NPHP4: variants seen among roughly 807,000 people sequenced by gnomAD.
NPHP4 encodes nephrocystin 4, also known as nephrocystin-4.
A neutral mutation model predicts 155.8 loss-of-function variants in NPHP4; 151 were observed. That is an observed-to-expected ratio of 0.97 (90% CI 0.85 to 1.11). NPHP4 has a LOEUF of 1.11. NPHP4 is among the 50% of genes least tolerant of loss of function. NPHP4 has a pLI of 0.00. For synonymous variants in NPHP4, 845 were observed against 816.8 expected (o/e 1.03, Z -0.59); for missense variants, 1,956 against 1,925.7 (o/e 1.02, Z -0.29).
At chr1:5,871,871 T>C (rs1176840890) in intron 23 of NPHP4, among the ~76,000 whole-genome samples, 3 of 152,206 alleles carry the variant, frequency 2.0e-5, no homozygotes, top group Admixed American at 1.3e-4. Context: ...AACAACAGCA[T>C]GCAGTCATGA....
At chr1:5,920,117 A>T (rs571952767) in intron 11 of NPHP4, among the ~76,000 whole-genome samples, 1 of 152,230 alleles carries the variant, frequency 6.6e-6, no homozygotes, top group Non-Finnish European at 1.5e-5. Flanking sequence ...TTTTTAGTAG[A>T]GATAGGGTTT....
At chr1:5,869,350 ACACACACACATGCATG>A (rs1279135335) in intron 23 of NPHP4, among the ~76,000 whole-genome samples, 3 of 149,536 alleles carry the variant, frequency 2.0e-5, no homozygotes, top group Admixed American at 6.6e-5. Flanking sequence ...ACATGCACGC[ACACACACACATGCATG>A]CACACACACA....
chr1:5,891,483 C>A lies in NPHP4; in HGVS notation c.2144-455G>T, dbSNP rs115260645. ...GGACACCCAGCAGCCCCTCTCCTGG[C>A]CCTAAAGCAGGACGGCACCTGCCCC... On this transcript the variant is annotated intron_variant, in intron 16 of 29. Coordinates refer to ENST00000378156, the MANE Select transcript of NPHP4 (RefSeq NM_015102.5). 8.3e-3 allele frequency among the ~76,000 whole-genome samples: 1,260 copies of A among 152,334 alleles called. 12 individuals are homozygous for A. Among genetic ancestry groups the A allele is most frequent in the African/African-American group, 0.029 (1,191 of 41,582 alleles).
chr1:5,906,686 GC>G (rs1644928223), intron 13 of NPHP4, among the ~76,000 whole-genome samples: 1 of 152,254 alleles, frequency 6.6e-6, no homozygotes, highest in Non-Finnish European at 1.5e-5. Context: ...GCCAGTCTTA[GC>G]CAGGAGCACA....
At chr1:5,976,374 C>T (rs1653578564) in intron 3 of NPHP4, among the ~76,000 whole-genome samples, 1 of 152,188 alleles carries the variant, frequency 6.6e-6, no homozygotes, top group Non-Finnish European at 1.5e-5. Context: ...TGGCTAACTT[C>T]ACCACCCGCC....
chr1:5,914,925 C>A (rs1334810821), intron 11 of NPHP4, among the ~76,000 whole-genome samples: 1 of 152,220 alleles, frequency 6.6e-6, no homozygotes, highest in Non-Finnish European at 1.5e-5. Flanking sequence ...GACCTCCCCC[C>A]CGCACCCTGA....
chr1:5,988,909 G>A (rs1480420355), intron 1 of NPHP4, among the ~76,000 whole-genome samples: 1 of 152,138 alleles, frequency 6.6e-6, no homozygotes, highest in East Asian at 1.9e-4. Flanking sequence ...AGGTATTCCT[G>A]AGGACCAGAC....
At chr1:5,894,689 A>G (rs1045546209) in intron 16 of NPHP4, among the ~76,000 whole-genome samples, 4 of 152,198 alleles carry the variant, frequency 2.6e-5, no homozygotes, top group African/African-American at 9.6e-5. Context: ...AGCAGCTCAA[A>G]AAAAAAATAG....
At chr1:5,913,495 T>C (rs1170314518) in intron 11 of NPHP4, among the ~76,000 whole-genome samples, 1 of 152,230 alleles carries the variant, frequency 6.6e-6, no homozygotes, top group African/African-American at 2.4e-5. Flanking sequence ...CTCAAATGTC[T>C]ACTTTTCTGT....
chr1:5,991,785 AGGAGGGGC>A (rs983016800), intron 1 of NPHP4, among the ~76,000 whole-genome samples: 1 of 138,772 alleles, frequency 7.2e-6, no homozygotes, highest in Non-Finnish European at 1.6e-5. Flanking sequence ...GGGGGCGGGG[AGGAGGGGC>A]GGAGGGGCGC....
At chr1:5,900,489 T>C (rs1187379290) in intron 16 of NPHP4, among the ~76,000 whole-genome samples, 3 of 152,016 alleles carry the variant, frequency 2.0e-5, no homozygotes, top group Non-Finnish European at 4.4e-5. Flanking sequence ...TCCAGCTGTA[T>C]GACATTCTGG....
chr1:5,909,166 G>C lies in NPHP4; in HGVS notation c.1489C>G (p.Pro497Ala). 1.2e-6 allele frequency: 2 copies of C among 1,601,300 alleles called. No homozygotes were observed. Among genetic ancestry groups the C allele is most frequent in the Non-Finnish European group, 1.7e-6 (2 of 1,174,142 alleles). ...PRVLAAPQNS[P>A]VGPGLSISQL... ...CCTGGACTTACCCCTGGTCCCACAG[G>C]TGAGTTCTGCGGGGCAGCGAGAACT... is the stretch of plus-strand genomic sequence containing the variant. Residue 497 changes from proline to alanine, a missense_variant, in exon 12 of 30, where the codon CCT (proline) becomes GCT (alanine). Coordinates refer to ENST00000378156, the MANE Select transcript of NPHP4 (RefSeq NM_015102.5).
chr1:5,986,685 G>A (rs1258731793), intron 1 of NPHP4, among the ~76,000 whole-genome samples: 1 of 151,964 alleles, frequency 6.6e-6, no homozygotes, highest in African/African-American at 2.4e-5. Context: ...TGAACTATGC[G>A]AATTACCTTT....
In NPHP4 at chr1:5,909,200, T is replaced by C; in HGVS notation, c.1455A>G (p.Pro485=). 6.2e-7 allele frequency: 1 copy of C among 1,603,412 alleles called. No individual in the cohort carries two copies. The highest frequency in any genetic ancestry group is 1.3e-5 in the African/African-American group (1 of 74,842). Residue 485 remains proline, a synonymous_variant, in exon 12 of 30, where the codon CCA becomes CCG. Transcript: ENST00000378156. ...GCGGGGCAGCGAGAACTCGAGGTACTGGCGCTGGCGGGCCTGGGAGGAAGC... is the reference window on the plus strand; with the variant it reads ...GCGGGGCAGCGAGAACTCGAGGTACCGGCGCTGGCGGGCCTGGGAGGAAGC... The part of the protein sequence containing the change: ...PPTSPSSPPA[P]VPRVLAAPQN...
chr1:5,865,061 G>A (rs1286133563), intron 27 of NPHP4, 41 bp downstream of exon 27: 1 of 1,596,850 alleles, frequency 6.3e-7, no homozygotes. Flanking sequence ...TCCAGGCTGG[G>A]GTTGGGGAGA....
intron 25 of NPHP4, among the ~76,000 whole-genome samples, 190 bp downstream of exon 25, chr1:5,866,840 T>C (rs9659769): frequency 1.3e-5 from 2 of 152,202 alleles, no homozygotes; most frequent in Non-Finnish European, 2.9e-5. Context: ...GATCTGCTAG[T>C]AGAAAAAATA....
intron 5 of NPHP4, among the ~76,000 whole-genome samples, chr1:5,965,779 C>T (rs1406317287): frequency 2.0e-5 from 3 of 152,124 alleles, no homozygotes; most frequent in Admixed American, 6.5e-5. Flanking sequence ...GATCACCCAC[C>T]GCTCTCCCTC....
intron 6 of NPHP4, among the ~76,000 whole-genome samples, chr1:5,953,336 C>T (rs1456456658): frequency 6.6e-6 from 1 of 152,208 alleles, no homozygotes; most frequent in Non-Finnish European, 1.5e-5. Context: ...GAACTCCTAA[C>T]CTTGTGATCC....
intron 16 of NPHP4, among the ~76,000 whole-genome samples, chr1:5,899,918 C>T (rs1644587923): frequency 6.6e-6 from 1 of 152,194 alleles, no homozygotes; most frequent in Admixed American, 6.5e-5. Flanking sequence ...GAGCAGAAAT[C>T]TCAGGGAAGA....
Sources: allele counts gnomAD v4.1 joint callset (sites outside exome capture counted in the v4.1 genomes callset), GRCh38; gene constraint gnomAD v4.1.1; transcripts MANE v1.5; gene names NCBI Gene and HGNC (gene_info 2026-07-23, HGNC 2026-07-21).